Variants in SNTG2 observed in about 807,000 individuals in gnomAD.
SNTG2 encodes the protein syntrophin gamma 2, also known as gamma-2-syntrophin.
SNTG2 carries 74 observed loss-of-function variants against 70.9 expected under a neutral mutation model. That is an observed-to-expected ratio of 1.04 (90% CI 0.86 to 1.27). The LOEUF is 1.27. Ranked by LOEUF, SNTG2 falls within the 50% of genes most tolerant of loss-of-function variation. The pLI, the probability that SNTG2 is intolerant of heterozygous loss-of-function variation, is 0.00. For missense variants in SNTG2, 717 were observed against 690.7 expected, an observed-to-expected ratio of 1.04 and a Z score of -0.43; for synonymous variants, 278 against 273.8, an observed-to-expected ratio of 1.02 and a Z score of -0.15.
At chr2:1,302,313 T>A (rs1174252169) in intron 14 of SNTG2, among the ~76,000 whole-genome samples, 1 of 152,102 alleles carries the variant, frequency 6.6e-6, no homozygotes, top group Non-Finnish European at 1.5e-5. Context: ...CACTGTCTGA[T>A]GTGATTCTAA....
chr2:1,105,170 A>G, intron 4 of SNTG2, among the ~76,000 whole-genome samples: 1 of 152,114 alleles, frequency 6.6e-6, no homozygotes, highest in Admixed American at 6.5e-5. Context: ...CTGCTGAACC[A>G]TGGGAGCAGG....
intron 14 of SNTG2, among the ~76,000 whole-genome samples, chr2:1,278,473 A>T (rs984837710): frequency 6.6e-6 from 1 of 152,166 alleles, no homozygotes; most frequent in African/African-American, 2.4e-5. Flanking sequence ...TTGTTTATGG[A>T]GGACAGGAGG....
intron 2 of SNTG2, among the ~76,000 whole-genome samples, chr2:1,088,658 A>G (rs747112814): frequency 4.4e-4 from 67 of 152,266 alleles, no homozygotes; most frequent in Admixed American, 1.2e-3. Context: ...GAAGAATCAT[A>G]TAAGCTCATT....
At chr2:1,069,960 G>A (rs960040657) in intron 1 of SNTG2, among the ~76,000 whole-genome samples, 2 of 151,998 alleles carry the variant, frequency 1.3e-5, no homozygotes, top group Non-Finnish European at 2.9e-5. Context: ...CTGGACGCTC[G>A]TTCCCACAGC....
chr2:1,235,348 C>T (rs1418886940), intron 9 of SNTG2, among the ~76,000 whole-genome samples: 1 of 97,400 alleles, frequency 1.0e-5, no homozygotes, highest in Non-Finnish European at 2.1e-5. Context: ...GCAGGCCCCA[C>T]CAGGCACCCC....
rs569121334 is a variant in SNTG2 at position 1,137,220 on chromosome 2, C to A, written c.326-402C>A. ...CATGCACACACACATCCATGGCACA[C>A]ACATCAACAGATTCACATGCTCAGA... is the stretch of plus-strand genomic sequence containing the variant. On this transcript the variant is annotated intron_variant, in intron 4 of 16. Transcript: ENST00000308624. Among the ~76,000 whole-genome samples, 10 of 151,428 alleles carry A rather than the reference C, an allele frequency of 6.6e-5. No homozygotes were observed. In the South Asian group the frequency reaches 2.1e-3, roughly 32 times the overall value.
At chr2:1,302,540 TA>T (rs34803391) in intron 14 of SNTG2, among the ~76,000 whole-genome samples, 7,656 of 68,144 alleles carry the variant, frequency 0.11, 335 homozygotes, top group Middle Eastern at 0.21. Context: ...ATTGGAATGC[TA>T]AAAAAAAAAA....
At chr2:1,036,922 A>G (rs951083823) in intron 1 of SNTG2, among the ~76,000 whole-genome samples, 3 of 152,224 alleles carry the variant, frequency 2.0e-5, no homozygotes, top group Non-Finnish European at 2.9e-5. Context: ...GTGTCTCACC[A>G]TGTGAGAGAC....
Position 1,209,141 on chromosome 2 carries a change from G to A in SNTG2, c.630G>A (p.Pro210=), listed in dbSNP as rs761179676. The part of the protein sequence containing the change: ...SSPSSPIAKD[P]RYEKRWLDTL... Reference sequence around the variant, plus strand: ...CTTCCTCGCCCATAGCTAAGGACCCGAGGTATGAGAAGCGCTGGCTGGACA... The same window carrying A: ...CTTCCTCGCCCATAGCTAAGGACCCAAGGTATGAGAAGCGCTGGCTGGACA... Residue 210 remains proline, a synonymous_variant, in exon 9 of 17, where the codon CCG becomes CCA. Transcript: ENST00000308624. The A allele has an allele frequency of 2.6e-5, 42 of 1,613,816 alleles. No homozygotes were observed. The highest frequency in any genetic ancestry group is 3.3e-5 in the Non-Finnish European group (39 of 1,179,902).
intron 1 of SNTG2, among the ~76,000 whole-genome samples, chr2:952,362 C>G (rs749401025): frequency 6.6e-6 from 1 of 152,224 alleles, no homozygotes; most frequent in Non-Finnish European, 1.5e-5. Flanking sequence ...GACATTCGAG[C>G]AAAGCAATTC....
At position 1,353,336 on chromosome 2, in the gene SNTG2, T is replaced by C. The variant is rs531520720; in HGVS notation, c.1489-14007T>C. On this transcript the variant is annotated intron_variant, in intron 16 of 16. Coordinates refer to ENST00000308624, the MANE Select transcript of SNTG2 (RefSeq NM_018968.4). The surrounding 1 kb of genome is among the most constrained non-coding windows in gnomAD (Gnocchi z 4.2). ...CATCGTATAAACATAAGGAAGTGCC[T>C]GGGGCCCTGGCTTGGACTCTCTGCA... 6.6e-6 allele frequency among the ~76,000 whole-genome samples: 1 copy of C among 152,282 alleles called. No individual in the cohort carries two copies. Among genetic ancestry groups the C allele is most frequent in the Admixed American group, 6.5e-5 (1 of 15,298 alleles).
chr2:1,283,198 C>T (rs1057452186), intron 14 of SNTG2, among the ~76,000 whole-genome samples: 1 of 152,168 alleles, frequency 6.6e-6, no homozygotes, highest in African/African-American at 2.4e-5. Context: ...CGCCCACGCC[C>T]TAACTCCTCA....
At chr2:1,207,863 G>T (rs966690680) in intron 8 of SNTG2, among the ~76,000 whole-genome samples, 9 of 152,278 alleles carry the variant, frequency 5.9e-5, no homozygotes, top group Middle Eastern at 3.4e-3. Context: ...GGATAGGGTT[G>T]GCTCTTTAAG....
At chr2:1,250,847 C>T (rs1677713279) in intron 12 of SNTG2, among the ~76,000 whole-genome samples, 1 of 152,212 alleles carries the variant, frequency 6.6e-6, no homozygotes, top group Non-Finnish European at 1.5e-5. Context: ...GGAAACTGTG[C>T]CTTATCTTGT....
intron 12 of SNTG2, among the ~76,000 whole-genome samples, chr2:1,248,945 A>G (rs1468414633): frequency 1.3e-5 from 2 of 152,160 alleles, no homozygotes; most frequent in Admixed American, 6.5e-5. Context: ...CAAAACAGAC[A>G]GGTTTCTTGG....
chr2:1,079,898 C>T (rs1487247972), intron 1 of SNTG2, among the ~76,000 whole-genome samples: 24 of 152,324 alleles, frequency 1.6e-4, no homozygotes, highest in African/African-American at 2.4e-5. Flanking sequence ...TCCTGAATAA[C>T]GAGAGCAGAG....
At chr2:1,264,444 C>T (rs547110489) in intron 13 of SNTG2, among the ~76,000 whole-genome samples, 4 of 152,246 alleles carry the variant, frequency 2.6e-5, no homozygotes, top group East Asian at 1.9e-4. Context: ...AGTCCAGTAA[C>T]GTAAACCTTG....
At chr2:1,276,495 C>T (rs1679274048) in intron 14 of SNTG2, among the ~76,000 whole-genome samples, 1 of 152,208 alleles carries the variant, frequency 6.6e-6, no homozygotes, top group African/African-American at 2.4e-5. Context: ...CTGTTGACAG[C>T]ATGGTTTAGT....
intron 14 of SNTG2, among the ~76,000 whole-genome samples, chr2:1,292,551 T>C (rs1680035833): frequency 6.6e-6 from 1 of 152,206 alleles, no homozygotes; most frequent in African/African-American, 2.4e-5. Context: ...TTTTATATCA[T>C]AAAAGGGTGT....
Sources: gnomAD v4.1 joint callset for allele counts (sites outside exome capture counted in the v4.1 genomes callset) on GRCh38, gnomAD v4.1.1 for gene constraint, Gnocchi (gnomAD v3.1) non-coding constraint, MANE v1.5 for transcripts, NCBI Gene and HGNC (gene_info 2026-07-23, HGNC 2026-07-21) for gene names.